Variants in NCF2 observed in about 807,000 individuals in gnomAD.
NCF2 encodes neutrophil cytosolic factor 2.
In NCF2, 45 loss-of-function variants were observed where a neutral mutation model predicts 70.9. The ratio of observed to expected loss-of-function variants is 0.63; its 90% confidence interval spans 0.50 to 0.81. NCF2 has a LOEUF of 0.81. Ranked by LOEUF, NCF2 falls within the 40% of genes least tolerant of loss-of-function variation. The pLI is 0.00. For missense variants in NCF2, 522 were observed against 631.6 expected (o/e 0.83, Z 1.86); for synonymous variants, 203 against 233.6 (o/e 0.87, Z 1.19).
chr1:183,599,179 T>C, the NCF2 span, among the ~76,000 whole-genome samples: 1 of 152,128 alleles, frequency 6.6e-6, no homozygotes, highest in Admixed American at 6.5e-5. Flanking sequence ...AGTCAGGAGT[T>C]TGAGACCACC....
In NCF2 at chr1:183,567,149, G is replaced by A. The variant is rs1232973600; in HGVS notation, c.855+55C>T. ...CAGCAGATACTGCTCCACAGAGACT[G>A]CATTTGCTGCCAGGATCCCATGCCC... is the stretch of plus-strand genomic sequence containing the variant. On this transcript the variant is annotated intron_variant, in intron 8 of 14. Transcript: ENST00000367535. 3.7e-6 allele frequency: 6 copies of A among 1,613,020 alleles called. No homozygotes were observed. The African/African-American group carries it at 5.3e-5, about 14-fold the overall frequency.
At chr1:183,566,836 C>A in intron 9 of NCF2, 84 bp downstream of exon 9, 1 of 1,555,134 alleles carries the variant, frequency 6.4e-7, no homozygotes, top group South Asian at 1.1e-5. Flanking sequence ...CCTGACAACA[C>A]CTCTTTTACA....
chr1:183,566,020 C>T (rs372240997), intron 9 of NCF2, among the ~76,000 whole-genome samples: 8 of 152,340 alleles, frequency 5.3e-5, no homozygotes, highest in Non-Finnish European at 7.3e-5. Flanking sequence ...CCCGCTAAAA[C>T]GCCCTTGCCG....
At chr1:183,585,217 C>A (rs1673287591) in intron 2 of NCF2, among the ~76,000 whole-genome samples, 1 of 152,158 alleles carries the variant, frequency 6.6e-6, no homozygotes, top group Non-Finnish European at 1.5e-5. Flanking sequence ...AGGATCAGAG[C>A]CCAGCCCTCT....
At chr1:183,581,281 CAA>C (rs1303349542) in intron 2 of NCF2, among the ~76,000 whole-genome samples, 1 of 66,870 alleles carries the variant, frequency 1.5e-5, no homozygotes, top group Non-Finnish European at 2.5e-5. Context: ...AATCCTGACT[CAA>C]AAAAAAAAAA....
At chr1:183,562,850 G>A (rs1672128573) in intron 13 of NCF2, among the ~76,000 whole-genome samples, 2 of 150,886 alleles carry the variant, frequency 1.3e-5, no homozygotes, top group Admixed American at 1.3e-4. Context: ...GGTGAAGAAT[G>A]GCTATGAGCT....
the NCF2 span, among the ~76,000 whole-genome samples, chr1:183,601,836 C>T: frequency 1.3e-4 from 18 of 138,762 alleles, no homozygotes; most frequent in African/African-American, 2.7e-4. Flanking sequence ...CCAGACTGGG[C>T]GACAGAGAGA....
At chr1:183,591,778 C>T (rs566655129), upstream of NCF2, among the ~76,000 whole-genome samples, 24 of 152,252 alleles carry the variant, frequency 1.6e-4, no homozygotes, top group Admixed American at 9.8e-4. Flanking sequence ...AGTGAGCCAC[C>T]GTGCCCAGCC....
chr1:183,566,983 C>T lies in NCF2; in HGVS notation c.861G>A (p.Gly287=), dbSNP rs1408556093. ...GTTCAAGGTAGTTGCAGGGAACAAG[C>T]CCCTTCTGCAGTGCAGCACCACAGA... ...WATVMFNGQK[G]LVPCNYLEPV... Residue 287 remains glycine (G), a synonymous_variant, in exon 9 of 15, where the codon GGG becomes GGA. Transcript: ENST00000367535. 1.2e-6 allele frequency: 2 copies of T among 1,614,138 alleles called. No homozygotes were observed. Among genetic ancestry groups the T allele is most frequent in the Admixed American group, 1.7e-5 (1 of 60,018 alleles).
At chr1:183,580,460 G>A (rs1217575477) in intron 2 of NCF2, among the ~76,000 whole-genome samples, 1 of 152,150 alleles carries the variant, frequency 6.6e-6, no homozygotes, top group Non-Finnish European at 1.5e-5. Context: ...CCTGTTTCCT[G>A]GCAGCTGCAA....
At chr1:183,571,556 A>G (rs1672564401) in intron 5 of NCF2, among the ~76,000 whole-genome samples, 1 of 151,918 alleles carries the variant, frequency 6.6e-6, no homozygotes, top group Non-Finnish European at 1.5e-5. Flanking sequence ...GTGTGTCCAC[A>G]CTCCCCTTTC....
At chr1:183,590,077 G>A (rs1157293521) in intron 1 of NCF2, 79 bp downstream of exon 1, 2 of 1,596,532 alleles carry the variant, frequency 1.3e-6, no homozygotes, top group Non-Finnish European at 1.7e-6. Context: ...CCAGAGGTTA[G>A]GTTTCCGAAA....
chr1:183,601,786 A>G, the NCF2 span, among the ~76,000 whole-genome samples: 1 of 150,880 alleles, frequency 6.6e-6, no homozygotes, highest in Non-Finnish European at 1.5e-5. Flanking sequence ...TGAACCCAGG[A>G]GGCGGAGCTT....
At chr1:183,572,190 T>A (rs1672596980) in intron 5 of NCF2, among the ~76,000 whole-genome samples, 1 of 152,202 alleles carries the variant, frequency 6.6e-6, no homozygotes, top group Non-Finnish European at 1.5e-5. Context: ...TTATTATTAT[T>A]ATTACTATTT....
At chr1:183,577,485 A>G (rs1672848008) in intron 3 of NCF2, 114 bp downstream of exon 3, 2 of 842,734 alleles carry the variant, frequency 2.4e-6, no homozygotes, top group African/African-American at 3.3e-5. Context: ...CAGAGGAGGC[A>G]AAATGGCTTT....
chr1:183,588,832 G>C (rs978323720), intron 1 of NCF2, among the ~76,000 whole-genome samples: 1 of 152,236 alleles, frequency 6.6e-6, no homozygotes, highest in African/African-American at 2.4e-5. Flanking sequence ...GCTGAGAAGT[G>C]AGTGGTGGCC....
intron 2 of NCF2, among the ~76,000 whole-genome samples, chr1:183,579,442 T>C (rs1672953941): frequency 2.0e-5 from 3 of 151,894 alleles, no homozygotes; most frequent in African/African-American, 4.8e-5. Flanking sequence ...AAGAGAATAA[T>C]AAGGCCGGGC....
At chr1:183,590,749 C>A (rs996007143), upstream of NCF2, 12 of 252,200 alleles carry the variant, frequency 4.8e-5, no homozygotes, top group Admixed American at 5.0e-4. Flanking sequence ...GCCAGGGTAA[C>A]CTTGGCAGGT....
In NCF2 at chr1:183,569,124, G is replaced by A; in HGVS notation, c.713+18C>T. ...TTGGCGCTTGGATATTCTATTTATGGATTTGAATCTAACTTACCTGAAGAT... is the reference window on the plus strand; with the variant it reads ...TTGGCGCTTGGATATTCTATTTATGAATTTGAATCTAACTTACCTGAAGAT... On this transcript the variant is annotated intron_variant, in intron 7 of 14. Transcript: ENST00000367535. The A allele has an allele frequency of 1.2e-6, 2 of 1,610,818 alleles. No homozygotes were observed. Among genetic ancestry groups the A allele is most frequent in the African/African-American group, 1.3e-5 (1 of 74,966 alleles).
Sources: allele counts gnomAD v4.1 joint callset (sites outside exome capture counted in the v4.1 genomes callset), GRCh38; gene constraint gnomAD v4.1.1; transcripts MANE v1.5; gene names NCBI Gene and HGNC (gene_info 2026-07-23, HGNC 2026-07-21).